The following MYBL2 variants were observed in gnomAD, a reference collection of about 807,000 sequenced individuals.
MYBL2 encodes MYB proto-oncogene like 2.
A neutral mutation model predicts 79.9 loss-of-function variants in MYBL2; 28 were observed. The ratio of observed to expected loss-of-function variants is 0.35; its 90% confidence interval spans 0.26 to 0.48. The LOEUF (loss-of-function observed/expected upper bound fraction) is 0.48. MYBL2 is among the 20% of genes least tolerant of loss of function. MYBL2 has a pLI of 0.99. For synonymous variants in MYBL2, 378 were observed against 361.2 expected, an observed-to-expected ratio of 1.05 and a Z score of -0.53; for missense variants, 735 against 893.9, an observed-to-expected ratio of 0.82 and a Z score of 2.27.
chr20:43,670,669 G>T (rs1986833237), intron 1 of MYBL2, among the ~76,000 whole-genome samples: 1 of 152,178 alleles, frequency 6.6e-6, no homozygotes. Flanking sequence ...AGACAGGAGG[G>T]TTTCCCATGT....
intron 6 of MYBL2, among the ~76,000 whole-genome samples, chr20:43,698,424 C>T (rs946777955): frequency 1.6e-5 from 2 of 123,906 alleles, no homozygotes; most frequent in African/African-American, 6.2e-5. Context: ...GTAGCCCAGG[C>T]TGGAGTGCAG....
intron 2 of MYBL2, among the ~76,000 whole-genome samples, chr20:43,676,480 C>T (rs1360348401): frequency 6.6e-6 from 1 of 152,172 alleles, no homozygotes; most frequent in African/African-American, 2.4e-5. Context: ...TTTTGCTCAG[C>T]ATTGTGTTGG....
rs190536035 is a variant in MYBL2 at position 43,708,910 on chromosome 20, T to G, written c.1506-1053T>G. ...TTGACTTGTGCTTATCTGTCTTCACTCTTCCTTACAGAGGGGGATCTCTGT... is the reference window on the plus strand; with the variant it reads ...TTGACTTGTGCTTATCTGTCTTCACGCTTCCTTACAGAGGGGGATCTCTGT... On this transcript the variant is annotated intron_variant, in intron 9 of 13. Transcript: ENST00000217026. Among the ~76,000 whole-genome samples, 18 of 152,358 alleles carry G rather than the reference T, an allele frequency of 1.2e-4. 1 individual carries two copies. Among genetic ancestry groups the G allele is most frequent in the Admixed American group, 1.2e-3 (18 of 15,304 alleles).
chr20:43,698,230 C>T (rs1243191643), intron 6 of MYBL2, among the ~76,000 whole-genome samples: 2 of 149,968 alleles, frequency 1.3e-5, no homozygotes, highest in Admixed American at 6.7e-5. Context: ...TTTGTTTGTT[C>T]GTTTGTTTTA....
intron 6 of MYBL2, among the ~76,000 whole-genome samples, chr20:43,694,708 T>C (rs987659473): frequency 2.0e-5 from 3 of 152,202 alleles, no homozygotes; most frequent in African/African-American, 4.8e-5. Flanking sequence ...CGACTTCTTT[T>C]TCTGGTTTCA....
Position 43,700,031 on chromosome 20 carries a change from A to G in MYBL2, c.938A>G (p.Asp313Gly), listed in dbSNP as rs777857723. 6.2e-7 allele frequency: 1 copy of G among 1,613,736 alleles called. No homozygotes were observed. Among genetic ancestry groups the G allele is most frequent in the Non-Finnish European group, 8.5e-7 (1 of 1,179,928 alleles). Residue 313 changes from aspartate to glycine, a missense_variant, in exon 7 of 14, where the codon GAC (aspartate) becomes GGC (glycine). Transcript: ENST00000217026. ...AVGSSLSEAL[D>G]LIESDPDAWC... ...GGTTCTAGCCTCTCTGAAGCCCTGG[A>G]CTTGATCGAGTCGGTATGTTGGTCA... is the stretch of plus-strand genomic sequence containing the variant.
In MYBL2 at chr20:43,716,448, G is replaced by A; in HGVS notation, c.*361G>A. Reference sequence around the variant, plus strand: ...GCTCCTGTGCTCACCCTCTCTTGGTGCATTTTTTTGGAAGAATAAAATTGC... The same window carrying A: ...GCTCCTGTGCTCACCCTCTCTTGGTACATTTTTTTGGAAGAATAAAATTGC... On this transcript the variant is annotated 3_prime_UTR_variant, in exon 14 of 14. Transcript: ENST00000217026. 1 of 256,238 alleles carries A rather than the reference G, an allele frequency of 3.9e-6. No homozygotes were observed. The highest frequency in any genetic ancestry group is 7.3e-6 in the Non-Finnish European group (1 of 136,522). The allele number at this position is 256,238 out of a possible 1,614,324, so 15.9% of individuals were successfully genotyped here. A position where few individuals can be genotyped will look rare whatever the true frequency, so the allele number is the denominator to read the frequency against.
chr20:43,698,276 C>T (rs1440216587), intron 6 of MYBL2, among the ~76,000 whole-genome samples: 2 of 150,956 alleles, frequency 1.3e-5, no homozygotes, highest in Non-Finnish European at 2.9e-5. Flanking sequence ...TCTCGAACTC[C>T]TGGGCTCAAG....
Position 43,689,859 on chromosome 20 carries a change from G to A in MYBL2, c.501-2298G>A, listed in dbSNP as rs143197515. Among the ~76,000 whole-genome samples the A allele has an allele frequency of 3.0e-4, 45 of 152,342 alleles. No individual in the cohort carries two copies. The East Asian group carries it at 3.9e-3, about 13-fold the overall frequency. Reference sequence around the variant, plus strand: ...AGAAGGAGTCTCACTATAGCTTGGGGCACCCCAGACTCTGGTCTTGGGGAG... The same window carrying A: ...AGAAGGAGTCTCACTATAGCTTGGGACACCCCAGACTCTGGTCTTGGGGAG... On this transcript the variant is annotated intron_variant, in intron 5 of 13. Transcript: ENST00000217026.
At chr20:43,695,815 G>A (rs1029772103) in intron 6 of MYBL2, among the ~76,000 whole-genome samples, 1 of 152,212 alleles carries the variant, frequency 6.6e-6, no homozygotes, top group African/African-American at 2.4e-5. Context: ...AAGCAAACAG[G>A]CCAGGCGTCA....
rs368267425 is a variant in MYBL2, at chr20:43,681,885, C to T, written c.186+30C>T. 367 of 1,609,404 alleles carry T rather than the reference C, an allele frequency of 2.3e-4. 3 individuals carry two copies. In the Middle Eastern group the frequency reaches 3.9e-3, roughly 17 times the overall value. On this transcript the variant is annotated intron_variant, in intron 3 of 13. Transcript: ENST00000217026. ...GTACAGTCCTGCTGTGGCCCTCCCT[C>T]GGGGCAAGGGCTCTGGGAGAACAGT...
At chr20:43,667,872 T>C (rs1315318612) in intron 1 of MYBL2, among the ~76,000 whole-genome samples, 2 of 152,186 alleles carry the variant, frequency 1.3e-5, no homozygotes, top group African/African-American at 4.8e-5. Context: ...CCACCTGGGT[T>C]CCGCGCCCCA....
At chr20:43,670,865 A>G (rs888041008) in intron 1 of MYBL2, among the ~76,000 whole-genome samples, 1 of 152,192 alleles carries the variant, frequency 6.6e-6, no homozygotes, top group Non-Finnish European at 1.5e-5. Flanking sequence ...TACCTGACCA[A>G]CGTGACCTGA....
At chr20:43,683,093 A>G (rs1050047707) in intron 4 of MYBL2, among the ~76,000 whole-genome samples, 1 of 152,058 alleles carries the variant, frequency 6.6e-6, no homozygotes, top group African/African-American at 2.4e-5. Flanking sequence ...TTCCTCACTC[A>G]TGGTCTGAGG....
chr20:43,683,550 C>CCTT lies in MYBL2; in HGVS notation c.279+664_279+665insCTT, dbSNP rs764273305. On this transcript the variant is annotated intron_variant, in intron 4 of 13. Coordinates refer to ENST00000217026, the MANE Select transcript of MYBL2 (RefSeq NM_002466.4). ...AAAGAGGGAGATGAAGGGAACTAGG[C>CCTT]ATTTTTTTTTTTTTTTTTTTTGAGA... Among the ~76,000 whole-genome samples the CCTT allele has an allele frequency of 3.7e-4, 47 of 126,422 alleles. 5 individuals are homozygous for CCTT. Among genetic ancestry groups the CCTT allele is most frequent in the African/African-American group, 1.2e-3 (41 of 32,948 alleles). 82.9% of individuals were successfully genotyped at this position (126,422 alleles called of 152,430 possible).
intron 12 of MYBL2, 137 bp downstream of exon 12, chr20:43,713,243 A>T: frequency 1.6e-6 from 1 of 633,326 alleles, no homozygotes; most frequent in Non-Finnish European, 2.8e-6. Context: ...GGGTCCGGGC[A>T]CCCACTCATG....
chr20:43,694,875 C>T (rs1987497214), intron 6 of MYBL2, among the ~76,000 whole-genome samples: 1 of 152,156 alleles, frequency 6.6e-6, no homozygotes, highest in South Asian at 2.1e-4. Flanking sequence ...AGACTTTCAG[C>T]ATAGGACAGA....
At chr20:43,707,646 C>T (rs1987819966) in intron 9 of MYBL2, among the ~76,000 whole-genome samples, 1 of 152,154 alleles carries the variant, frequency 6.6e-6, no homozygotes, top group Non-Finnish European at 1.5e-5. Context: ...GCCTCGGCCT[C>T]CCAAAGTGCT....
rs1488182880 is a variant in MYBL2, at chr20:43,692,148, C to T, written c.501-9C>T. On this transcript the variant is annotated splice_polypyrimidine_tract_variant and intron_variant, in intron 5 of 13. Transcript: ENST00000217026. ...CTGGGGTTCAAAGGCCCCCTGCTGC[C>T]CCCTGCAGGACAGACAATGCTGTGA... 1 of 1,613,238 alleles carries T rather than the reference C, an allele frequency of 6.2e-7. No individual in the cohort carries two copies. The highest frequency in any genetic ancestry group is 1.7e-5 in the Admixed American group (1 of 59,976).
Sources: gnomAD v4.1 joint callset for allele counts (sites outside exome capture counted in the v4.1 genomes callset) on GRCh38, gnomAD v4.1.1 for gene constraint, MANE v1.5 for transcripts, NCBI Gene and HGNC (gene_info 2026-07-23, HGNC 2026-07-21) for gene names.